SORD: variants seen among roughly 807,000 people sequenced by gnomAD.
The protein encoded by SORD is (R,R)-butanediol dehydrogenase.
In SORD, 18 loss-of-function variants were observed where a neutral mutation model predicts 35.6. The observed-to-expected ratio is 0.51, with a 90% CI of 0.35 to 0.75. The LOEUF (loss-of-function observed/expected upper bound fraction) is 0.75. Among genes scored for constraint, SORD ranks in the 30% least tolerant of loss-of-function variants. SORD has a pLI of 0.01. For missense variants in SORD, 250 were observed against 390.2 expected (o/e 0.64, Z 3.03); for synonymous variants, 106 against 152.9 (o/e 0.69, Z 2.26).
intron 7 of SORD, among the ~76,000 whole-genome samples, chr15:45,071,036 C>T (rs551905415): frequency 3.3e-5 from 5 of 152,214 alleles, no homozygotes; most frequent in Non-Finnish European, 5.9e-5. Flanking sequence ...GTGGCTGGAC[C>T]AAATATGGAC....
In SORD at chr15:45,038,037, C is replaced by A. The variant is rs532411487; in HGVS notation, c.67-2371C>A. On this transcript the variant is annotated intron_variant, in intron 1 of 8. Transcript: ENST00000267814. ...GCGGTCCCTGATGTCTGATGTGGGACCAGCAACAACTTTGAGGAAGGTTTT... is the reference window on the plus strand; with the variant it reads ...GCGGTCCCTGATGTCTGATGTGGGAACAGCAACAACTTTGAGGAAGGTTTT... Among the ~76,000 whole-genome samples, 285 of 152,032 alleles carry A rather than the reference C, an allele frequency of 1.9e-3. 2 individuals are homozygous for A. The highest frequency in any genetic ancestry group is 6.6e-3 in the African/African-American group (272 of 41,470).
intron 1 of SORD, among the ~76,000 whole-genome samples, chr15:45,024,874 G>C (rs926393200): frequency 8.5e-5 from 13 of 152,186 alleles, no homozygotes; most frequent in Non-Finnish European, 2.9e-5. Context: ...GGAGGCCTCA[G>C]AGAGAAAAGA....
chr15:45,068,308 A>G (rs1372113928), intron 6 of SORD, 62 bp downstream of exon 6: 60 of 1,195,922 alleles, frequency 5.0e-5, no homozygotes, highest in Non-Finnish European at 7.3e-5. Context: ...CTGTATGTGC[A>G]TGTGTGAGGA....
At chr15:45,025,972 G>A (rs1352892479) in intron 1 of SORD, among the ~76,000 whole-genome samples, 3 of 152,222 alleles carry the variant, frequency 2.0e-5, no homozygotes, top group Admixed American at 1.3e-4. Context: ...ACCATGTAGA[G>A]TGAGAAGGAA....
At chr15:45,033,935 T>G (rs1310463651) in intron 1 of SORD, among the ~76,000 whole-genome samples, 1 of 152,168 alleles carries the variant, frequency 6.6e-6, no homozygotes, top group African/African-American at 2.4e-5. Flanking sequence ...GAACTTAGTT[T>G]TGCTTTGATG....
At chr15:45,028,931 T>G (rs6493131) in intron 1 of SORD, among the ~76,000 whole-genome samples, 38,398 of 151,340 alleles carry the variant, frequency 0.25, 1,858 homozygotes, top group African/African-American at 0.49. Flanking sequence ...GATGGTCCTG[T>G]GCATCATGTC....
intron 4 of SORD, among the ~76,000 whole-genome samples, chr15:45,062,188 A>C (rs201989123): frequency 6.8e-6 from 1 of 147,388 alleles, no homozygotes; most frequent in African/African-American, 2.5e-5. Context: ...GGGCACCGTT[A>C]TTGGGTTAAC....
chr15:45,059,364 CA>C (rs377649917), intron 3 of SORD, among the ~76,000 whole-genome samples: 62 of 141,870 alleles, frequency 4.4e-4, no homozygotes, highest in African/African-American at 1.1e-3. Context: ...GAAACATGCA[CA>C]AAAAAAAAAC....
intron 4 of SORD, among the ~76,000 whole-genome samples, chr15:45,062,950 A>G (rs1258787103): frequency 2.1e-5 from 3 of 146,196 alleles, no homozygotes; most frequent in Admixed American, 6.7e-5. Context: ...GCACATAGTA[A>G]ATGCTCAGTA....
intron 3 of SORD, among the ~76,000 whole-genome samples, chr15:45,054,611 T>G (rs1336187333): frequency 6.6e-6 from 1 of 152,030 alleles, no homozygotes; most frequent in African/African-American, 2.4e-5. Flanking sequence ...TTCACTCTGA[T>G]GGTAGTTTCT....
chr15:45,038,126 C>CCCTTCCTTCCTTCCTT (rs71114304), intron 1 of SORD, among the ~76,000 whole-genome samples: 14 of 122,332 alleles, frequency 1.1e-4, no homozygotes, highest in South Asian at 9.8e-4. Flanking sequence ...CTCGCATCCT[C>CCCTTCCTTCCTTCCTT]CCTTCCTTCC....
intron 1 of SORD, among the ~76,000 whole-genome samples, chr15:45,034,833 G>A (rs542359670): frequency 1.4e-4 from 22 of 152,364 alleles, no homozygotes; most frequent in African/African-American, 4.8e-4. Flanking sequence ...GAGGTGTGGA[G>A]AGAGAGGCGC....
intron 3 of SORD, among the ~76,000 whole-genome samples, chr15:45,054,107 G>A (rs1157812567): frequency 1.3e-5 from 2 of 151,650 alleles, no homozygotes; most frequent in East Asian, 1.9e-4. Context: ...ATAAACATAC[G>A]TGTGCATGTC....
intron 1 of SORD, among the ~76,000 whole-genome samples, chr15:45,030,920 GCTGA>G (rs1892771047): frequency 6.6e-6 from 1 of 152,220 alleles, no homozygotes; most frequent in Admixed American, 6.5e-5. Flanking sequence ...GCCTACTTGT[GCTGA>G]CTCCGACCAG....
chr15:45,067,065 C>A (rs535250774), intron 5 of SORD, among the ~76,000 whole-genome samples: 2 of 152,042 alleles, frequency 1.3e-5, no homozygotes, highest in Non-Finnish European at 2.9e-5. Context: ...TTTACCTACT[C>A]TTTTTTAAAA....
At chr15:45,026,622 T>C (rs772722797) in intron 1 of SORD, among the ~76,000 whole-genome samples, 2 of 109,484 alleles carry the variant, frequency 1.8e-5, no homozygotes, top group African/African-American at 1.4e-4. Flanking sequence ...GGGAGTTGTT[T>C]GGGGAAACTC....
chr15:45,040,774 C>T (rs1180664535), intron 2 of SORD, among the ~76,000 whole-genome samples: 4 of 152,166 alleles, frequency 2.6e-5, no homozygotes, highest in African/African-American at 9.7e-5. Flanking sequence ...GACAGTGTAC[C>T]CTATCTACCA....
intron 1 of SORD, among the ~76,000 whole-genome samples, chr15:45,034,236 T>A (rs1389967452): frequency 6.6e-6 from 1 of 152,080 alleles, no homozygotes; most frequent in Non-Finnish European, 1.5e-5. Flanking sequence ...AGGGGTTACA[T>A]AACTACCCTG....
chr15:45,038,140 C>T (rs139392791), intron 1 of SORD, among the ~76,000 whole-genome samples: 1,565 of 101,162 alleles, frequency 0.015, 24 homozygotes, highest in South Asian at 0.086. Flanking sequence ...TCCTTCCTTC[C>T]TTCCTTCCTT....
Sources: allele counts gnomAD v4.1 joint callset (sites outside exome capture counted in the v4.1 genomes callset), GRCh38; gene constraint gnomAD v4.1.1; transcripts MANE v1.5; gene names NCBI Gene and HGNC (gene_info 2026-07-23, HGNC 2026-07-21).